The following TNFRSF21 variants were observed in gnomAD, a reference collection of about 807,000 sequenced individuals.
The protein encoded by TNFRSF21 is TNF receptor superfamily member 21.
A neutral mutation model predicts 45.6 loss-of-function variants in TNFRSF21; 19 were observed. The observed-to-expected ratio is 0.42, with a 90% confidence interval of 0.29 to 0.61. The LOEUF (loss-of-function observed/expected upper bound fraction) is 0.61, where lower values mean the gene tolerates loss of function less well. Among genes scored for constraint, TNFRSF21 ranks in the 20% least tolerant of loss-of-function variants. TNFRSF21 has a pLI of 0.23. For synonymous variants in TNFRSF21, 314 were observed against 335.5 expected, an observed-to-expected ratio of 0.94 and a Z score of 0.70; for missense variants, 737 against 851.5, an observed-to-expected ratio of 0.87 and a Z score of 1.67.
intron 4 of TNFRSF21, among the ~76,000 whole-genome samples, chr6:47,237,989 G>A (rs556684509): frequency 8.5e-5 from 13 of 152,286 alleles, no homozygotes; most frequent in African/African-American, 3.1e-4. Context: ...GGTGGAGGTT[G>A]CAGTGAGCCA....
At chr6:47,289,541 G>C (rs1582354111) in intron 1 of TNFRSF21, among the ~76,000 whole-genome samples, 2 of 152,184 alleles carry the variant, frequency 1.3e-5, no homozygotes, top group East Asian at 1.9e-4. Context: ...AAAACCTCCT[G>C]CTTGATGATA....
chr6:47,300,869 C>T (rs1762856929), intron 1 of TNFRSF21, among the ~76,000 whole-genome samples: 1 of 152,170 alleles, frequency 6.6e-6, no homozygotes, highest in African/African-American at 2.4e-5. Flanking sequence ...CAATGCCTGA[C>T]ATTTAATAGA....
chr6:47,301,986 G>A (rs976275615), intron 1 of TNFRSF21, among the ~76,000 whole-genome samples: 2 of 152,158 alleles, frequency 1.3e-5, no homozygotes, highest in African/African-American at 2.4e-5. Context: ...TCCTGGGCAA[G>A]CTGACCTGGC....
chr6:47,242,315 A>G (rs1345911310), intron 4 of TNFRSF21, among the ~76,000 whole-genome samples: 3 of 152,214 alleles, frequency 2.0e-5, no homozygotes, highest in African/African-American at 7.2e-5. Flanking sequence ...AGGCCTATGA[A>G]GTTAGACTAG....
chr6:47,297,972 A>G (rs765715322), intron 1 of TNFRSF21, among the ~76,000 whole-genome samples: 16 of 152,232 alleles, frequency 1.1e-4, no homozygotes, highest in Non-Finnish European at 2.1e-4. Context: ...CAGACTGCAC[A>G]GTAAAGAGTT....
intron 2 of TNFRSF21, 75 bp from the exon 3 acceptor site, chr6:47,284,507 C>T: frequency 7.0e-7 from 1 of 1,433,940 alleles, no homozygotes; most frequent in Non-Finnish European, 9.2e-7. Context: ...TTTCCCTGGT[C>T]ATCTCCAAGC....
intron 4 of TNFRSF21, among the ~76,000 whole-genome samples, chr6:47,242,011 A>C (rs1764752169): frequency 6.6e-6 from 1 of 152,148 alleles, no homozygotes; most frequent in Non-Finnish European, 1.5e-5. Context: ...GGATCACTGG[A>C]TGTCATGGGA....
chr6:47,233,565 T>G (rs1764617120), intron 5 of TNFRSF21, among the ~76,000 whole-genome samples: 1 of 151,960 alleles, frequency 6.6e-6, no homozygotes, highest in Non-Finnish European at 1.5e-5. Context: ...ATATGATTTC[T>G]TCTCAGGTCA....
intron 4 of TNFRSF21, among the ~76,000 whole-genome samples, chr6:47,250,737 A>G (rs1186891548): frequency 6.6e-6 from 1 of 152,274 alleles, no homozygotes; most frequent in Non-Finnish European, 1.5e-5. Context: ...AGGAGTCTCA[A>G]TTAAGCCCCC....
chr6:47,247,481 C>T (rs968172932), intron 4 of TNFRSF21, among the ~76,000 whole-genome samples: 4 of 152,142 alleles, frequency 2.6e-5, no homozygotes, highest in South Asian at 2.1e-4. Flanking sequence ...TTTGAATAGC[C>T]AAAAAGTCAA....
At chr6:47,270,421 C>A (rs1367288242) in intron 3 of TNFRSF21, among the ~76,000 whole-genome samples, 2 of 152,170 alleles carry the variant, frequency 1.3e-5, no homozygotes, top group Non-Finnish European at 2.9e-5. Context: ...AGCTGAGGGA[C>A]CTGACTGTTA....
chr6:47,289,118 A>G (rs905449188), intron 1 of TNFRSF21, among the ~76,000 whole-genome samples: 2 of 152,246 alleles, frequency 1.3e-5, no homozygotes, highest in African/African-American at 4.8e-5. Flanking sequence ...AGTTTTCACT[A>G]TCCTTTATGA....
At chr6:47,257,632 T>C (rs1765007224) in intron 3 of TNFRSF21, among the ~76,000 whole-genome samples, 1 of 152,160 alleles carries the variant, frequency 6.6e-6, no homozygotes, top group South Asian at 2.1e-4. Context: ...AGTTACCTCT[T>C]TGGGGAGGGG....
intron 3 of TNFRSF21, among the ~76,000 whole-genome samples, chr6:47,261,100 C>CCTCCCTAAAAGATCTAACACCCCCCA (rs1765068050): frequency 6.6e-6 from 1 of 151,880 alleles, no homozygotes; most frequent in African/African-American, 2.4e-5. Flanking sequence ...AACACCCCCC[C>CCTCCCTAAAAGATCTAACACCCCCCA]AAACCTCCCT....
At chr6:47,272,885 C>G (rs1217435150) in intron 3 of TNFRSF21, among the ~76,000 whole-genome samples, 1 of 152,180 alleles carries the variant, frequency 6.6e-6, no homozygotes, top group South Asian at 2.1e-4. Flanking sequence ...ACTATAAACA[C>G]CTCTATGCAA....
chr6:47,253,028 C>A (rs922602658), intron 4 of TNFRSF21, among the ~76,000 whole-genome samples: 3 of 151,322 alleles, frequency 2.0e-5, no homozygotes, highest in African/African-American at 7.3e-5. Context: ...AGGGTCTGAG[C>A]ATCAGTATTT....
At position 47,276,631 on chromosome 6, in the gene TNFRSF21, G is replaced by A. The variant is rs903724825; in HGVS notation, c.1243+7307C>T. Among the ~76,000 whole-genome samples the A allele has an allele frequency of 2.6e-5, 4 of 152,252 alleles. No individual in the cohort carries two copies. The East Asian group carries it at 7.7e-4, about 29-fold the overall frequency. ...ACACAGCCACACCCATAATTTACAT[G>A]GTGTCTCTGGCCACTTTCACACTAC... is the stretch of plus-strand genomic sequence containing the variant. On this transcript the variant is annotated intron_variant, in intron 3 of 5. Coordinates refer to ENST00000296861, the MANE Select transcript of TNFRSF21 (RefSeq NM_014452.5).
intron 4 of TNFRSF21, among the ~76,000 whole-genome samples, chr6:47,251,400 A>G (rs1043380252): frequency 6.6e-6 from 1 of 152,232 alleles, no homozygotes; most frequent in Admixed American, 6.5e-5. Flanking sequence ...TTGGTATTAT[A>G]GAAGAGATAA....
At chr6:47,279,853 A>G (rs1251275269) in intron 3 of TNFRSF21, among the ~76,000 whole-genome samples, 1 of 152,224 alleles carries the variant, frequency 6.6e-6, no homozygotes, top group Non-Finnish European at 1.5e-5. Context: ...CCCCAAACAT[A>G]TACCAACATT....
Sources: gnomAD v4.1 joint callset for allele counts (sites outside exome capture counted in the v4.1 genomes callset) on GRCh38, gnomAD v4.1.1 for gene constraint, MANE v1.5 for transcripts, NCBI Gene and HGNC (gene_info 2026-07-23, HGNC 2026-07-21) for gene names.